Variants in IGSF21 observed in about 807,000 individuals in gnomAD.
The protein encoded by IGSF21 is immunoglobin superfamily member 21, also known as immunoglobulin superfamily member 21.
In IGSF21, 28 loss-of-function variants were observed where a neutral mutation model predicts 46.8. The observed-to-expected ratio is 0.60, with a 90% CI of 0.44 to 0.82. The LOEUF is 0.82. IGSF21 is among the 40% of genes least tolerant of loss of function. The pLI is 0.00. For missense variants in IGSF21, 624 were observed against 665.5 expected (o/e 0.94, Z 0.69); for synonymous variants, 284 against 273.6 (o/e 1.04, Z -0.38).
chr1:18,292,591 G>A (rs759874572), intron 3 of IGSF21, among the ~76,000 whole-genome samples: 2 of 152,166 alleles, frequency 1.3e-5, no homozygotes, highest in Non-Finnish European at 2.9e-5. Flanking sequence ...AGAGCCTGCT[G>A]TTCTCTATGT....
intron 2 of IGSF21, among the ~76,000 whole-genome samples, chr1:18,248,008 T>C (rs555044737): frequency 6.6e-6 from 1 of 152,268 alleles, no homozygotes; most frequent in South Asian, 2.1e-4. Flanking sequence ...TAGCTATAGG[T>C]GTGAGCACTC....
At chr1:18,139,365 C>T (rs1000138211) in intron 1 of IGSF21, among the ~76,000 whole-genome samples, 2 of 152,080 alleles carry the variant, frequency 1.3e-5, no homozygotes, top group African/African-American at 4.8e-5. Context: ...CTACGTCACA[C>T]GATGATGGGG....
intron 2 of IGSF21, among the ~76,000 whole-genome samples, chr1:18,258,819 G>A (rs1372649099): frequency 1.1e-4 from 16 of 152,198 alleles, no homozygotes; most frequent in Admixed American, 1.0e-3. Context: ...ACAAGGCTTA[G>A]CACCTAGTAA....
intron 2 of IGSF21, among the ~76,000 whole-genome samples, chr1:18,269,574 T>C (rs953589166): frequency 6.6e-5 from 10 of 152,176 alleles, no homozygotes; most frequent in Non-Finnish European, 1.3e-4. Context: ...CAGAGCTGTG[T>C]CTGGGAGCTC....
chr1:18,343,734 T>C (rs1457098175), intron 4 of IGSF21, among the ~76,000 whole-genome samples: 1 of 152,256 alleles, frequency 6.6e-6, no homozygotes, highest in Non-Finnish European at 1.5e-5. Context: ...GGCATCCTTG[T>C]CGAAAATCAA....
chr1:18,269,428 C>T (rs538863512), intron 2 of IGSF21, among the ~76,000 whole-genome samples: 5 of 152,268 alleles, frequency 3.3e-5, no homozygotes, highest in Admixed American at 3.3e-4. Context: ...GGAGGAGGAT[C>T]AGCATCTTTG....
At chr1:18,150,629 G>T (rs976243831) in intron 1 of IGSF21, among the ~76,000 whole-genome samples, 1 of 152,178 alleles carries the variant, frequency 6.6e-6, no homozygotes, top group Non-Finnish European at 1.5e-5. Flanking sequence ...GGGCCAGGAA[G>T]TCCACATACA....
At chr1:18,194,004 T>C (rs945883043) in intron 1 of IGSF21, among the ~76,000 whole-genome samples, 2 of 152,160 alleles carry the variant, frequency 1.3e-5, no homozygotes, top group Non-Finnish European at 2.9e-5. Flanking sequence ...CCCTGTGACC[T>C]GGAGATTCTG....
chr1:18,258,020 A>G (rs2084907839), intron 2 of IGSF21, among the ~76,000 whole-genome samples: 1 of 152,206 alleles, frequency 6.6e-6, no homozygotes, highest in Non-Finnish European at 1.5e-5. Context: ...CTTGTAAATC[A>G]TCCTGTCAGG....
chr1:18,235,929 GA>G (rs1445955084), intron 2 of IGSF21, among the ~76,000 whole-genome samples: 2 of 152,062 alleles, frequency 1.3e-5, no homozygotes, highest in African/African-American at 4.8e-5. Context: ...TGATGGAAGG[GA>G]AAAATGTTCT....
chr1:18,169,942 C>T (rs1440680476), intron 1 of IGSF21, among the ~76,000 whole-genome samples: 3 of 151,998 alleles, frequency 2.0e-5, no homozygotes, highest in Admixed American at 1.3e-4. Context: ...GAGATGGAAC[C>T]GGGAGAAGTT....
chr1:18,337,425 T>A lies in IGSF21; in HGVS notation c.424+2415T>A, dbSNP rs1240318410. On this transcript the variant is annotated intron_variant, in intron 4 of 9. Coordinates refer to ENST00000251296, the MANE Select transcript of IGSF21 (RefSeq NM_032880.5). The surrounding 1 kb of genome is among the most constrained non-coding windows in gnomAD (Gnocchi z 5.7). ...TACTTGGACACTGTTGTTTTTATTA[T>A]CACTGTCTCTGATGTGCCCACTCCT... Among the ~76,000 whole-genome samples the A allele has an allele frequency of 6.6e-6, 1 of 152,164 alleles. No individual in the cohort carries two copies. Among genetic ancestry groups the A allele is most frequent in the African/African-American group, 2.4e-5 (1 of 41,438 alleles).
At chr1:18,237,359 C>T (rs1373911327) in intron 2 of IGSF21, among the ~76,000 whole-genome samples, 4 of 152,152 alleles carry the variant, frequency 2.6e-5, no homozygotes, top group East Asian at 1.9e-4. Context: ...CCACTCCCCT[C>T]GAGGGGAGCG....
Position 18,334,774 on chromosome 1 carries a change from A to C in IGSF21, c.306-118A>C. On this transcript the variant is annotated intron_variant, in intron 3 of 9. Transcript: ENST00000251296. The surrounding 1 kb of genome is among the most constrained non-coding windows in gnomAD (Gnocchi z 4.3). ...TGCTCCCCTCCTCCCAGCCCAGCAC[A>C]CAGGCCTGTGTTTGTTAGTGGAGGC... 5.9e-5 allele frequency: 42 copies of C among 709,044 alleles called. No individual in the cohort carries two copies. The highest frequency in any genetic ancestry group is 5.1e-5 in the Non-Finnish European group (20 of 391,140). The allele number at this position is 709,044 out of a possible 1,614,324, so 43.9% of individuals were successfully genotyped here.
chr1:18,297,116 C>T (rs2085318995), intron 3 of IGSF21, among the ~76,000 whole-genome samples: 1 of 152,154 alleles, frequency 6.6e-6, no homozygotes, highest in African/African-American at 2.4e-5. Flanking sequence ...CTGCCCGCCC[C>T]CCCACTAGAC....
chr1:18,203,461 G>C (rs542232419), intron 1 of IGSF21, among the ~76,000 whole-genome samples: 2 of 152,052 alleles, frequency 1.3e-5, no homozygotes, highest in Non-Finnish European at 2.9e-5. Flanking sequence ...GGTGCATGCC[G>C]CCACACCTGG....
At chr1:18,273,444 CACTTTCTT>C (rs1285728348) in intron 2 of IGSF21, among the ~76,000 whole-genome samples, 1 of 97,318 alleles carries the variant, frequency 1.0e-5, no homozygotes, top group African/African-American at 4.6e-5. Context: ...CTTTCTTTCT[CACTTTCTT>C]TCTTTCTCTC....
At chr1:18,273,460 CTCTCTTTCTTTCTTTCTTTCTT>C (rs2085067582) in intron 2 of IGSF21, among the ~76,000 whole-genome samples, 1 of 56,412 alleles carries the variant, frequency 1.8e-5, no homozygotes, top group South Asian at 5.2e-4. Flanking sequence ...CTTTCTTTCT[CTCTCTTTCTTTCTTTCTTTCTT>C]TCTTTCTTTC....
chr1:18,193,227 G>A (rs2086974967), intron 1 of IGSF21, among the ~76,000 whole-genome samples: 1 of 152,150 alleles, frequency 6.6e-6, no homozygotes, highest in Non-Finnish European at 1.5e-5. Flanking sequence ...AGAGGCCCCT[G>A]TGGAGAAAAG....
Sources: allele counts gnomAD v4.1 joint callset (sites outside exome capture counted in the v4.1 genomes callset), GRCh38; gene constraint gnomAD v4.1.1; non-coding constraint Gnocchi (gnomAD v3.1); transcripts MANE v1.5; gene names NCBI Gene and HGNC (gene_info 2026-07-23, HGNC 2026-07-21).